The following SLC25A21 variants were observed in gnomAD, a reference collection of about 807,000 sequenced individuals.
SLC25A21 encodes the protein solute carrier family 25 member 21.
SLC25A21 carries 47 observed loss-of-function variants against 43.8 expected under a neutral mutation model. The ratio of observed to expected loss-of-function variants is 1.07; its 90% CI spans 0.85 to 1.37. The LOEUF is 1.37. Among genes scored for constraint, SLC25A21 ranks in the 40% most tolerant of loss-of-function variants. The pLI is 0.00. For missense variants in SLC25A21, 352 were observed against 350.2 expected (o/e 1.00, Z -0.04); for synonymous variants, 131 against 121.3 (o/e 1.08, Z -0.52).
intron 7 of SLC25A21, among the ~76,000 whole-genome samples, chr14:36,687,654 G>C (rs931603419): frequency 1.3e-5 from 2 of 152,262 alleles, no homozygotes; most frequent in African/African-American, 4.8e-5. Flanking sequence ...CCCAGGCTGG[G>C]CCTGTGTGTG....
chr14:36,909,790 A>G (rs1275252868), intron 1 of SLC25A21, among the ~76,000 whole-genome samples: 2 of 152,208 alleles, frequency 1.3e-5, no homozygotes, highest in Non-Finnish European at 2.9e-5. Flanking sequence ...TTTATCAAAC[A>G]AATGTCCAGT....
chr14:36,707,695 A>T (rs1030531750), intron 7 of SLC25A21, among the ~76,000 whole-genome samples: 2 of 152,256 alleles, frequency 1.3e-5, no homozygotes, highest in African/African-American at 4.8e-5. Flanking sequence ...GGCACATGTT[A>T]GCACTGTCAA....
At chr14:36,920,021 G>A (rs960378288) in intron 1 of SLC25A21, among the ~76,000 whole-genome samples, 2 of 151,930 alleles carry the variant, frequency 1.3e-5, no homozygotes, top group African/African-American at 4.8e-5. Context: ...TTTTAACTCT[G>A]GAAATCAGTC....
At chr14:36,889,162 T>C (rs1338291294) in intron 1 of SLC25A21, among the ~76,000 whole-genome samples, 5 of 152,198 alleles carry the variant, frequency 3.3e-5, no homozygotes, top group Admixed American at 3.3e-4. Context: ...TCCTTTATCA[T>C]GGTCTGGCTT....
intron 2 of SLC25A21, among the ~76,000 whole-genome samples, chr14:36,862,418 A>C (rs1890093969): frequency 6.6e-6 from 1 of 152,262 alleles, no homozygotes; most frequent in Non-Finnish European, 1.5e-5. Context: ...ACCATGGAAT[A>C]CTATGCAGCC....
intron 1 of SLC25A21, among the ~76,000 whole-genome samples, chr14:37,126,853 A>AT (rs1317550648): frequency 3.9e-5 from 6 of 152,162 alleles, no homozygotes; most frequent in African/African-American, 1.2e-4. Context: ...TCAATGGTTC[A>AT]TTTTTTATAG....
At chr14:36,797,325 C>T (rs181459838) in intron 3 of SLC25A21, among the ~76,000 whole-genome samples, 107 of 152,186 alleles carry the variant, frequency 7.0e-4, no homozygotes, top group African/African-American at 2.6e-3. Flanking sequence ...AGACAACAAT[C>T]TAATGCTGTT....
chr14:36,739,725 A>G (rs938941043), intron 3 of SLC25A21, among the ~76,000 whole-genome samples: 3 of 151,992 alleles, frequency 2.0e-5, no homozygotes, highest in African/African-American at 7.3e-5. Flanking sequence ...AATTCTGTCA[A>G]TGTGGGAGAA....
intron 1 of SLC25A21, among the ~76,000 whole-genome samples, chr14:37,133,287 G>A (rs939575068): frequency 1.3e-5 from 2 of 151,858 alleles, no homozygotes; most frequent in African/African-American, 4.8e-5. Context: ...TCCAACCTCA[G>A]ACACATAAAT....
At chr14:36,847,394 G>T (rs556402712) in intron 2 of SLC25A21, among the ~76,000 whole-genome samples, 2 of 152,314 alleles carry the variant, frequency 1.3e-5, no homozygotes, top group Non-Finnish European at 1.5e-5. Context: ...ACAGTCATTG[G>T]TTCATTTTTT....
intron 4 of SLC25A21, among the ~76,000 whole-genome samples, chr14:36,731,623 G>A (rs1884830349): frequency 6.6e-6 from 1 of 152,180 alleles, no homozygotes; most frequent in Admixed American, 6.5e-5. Context: ...TTTCCAGTCT[G>A]GCTGGTGGGA....
At chr14:37,106,087 G>A (rs1295660857) in intron 1 of SLC25A21, among the ~76,000 whole-genome samples, 1 of 151,972 alleles carries the variant, frequency 6.6e-6, no homozygotes, top group East Asian at 1.9e-4. Flanking sequence ...TGTCACCTCA[G>A]GACCACTGTG....
intron 1 of SLC25A21, among the ~76,000 whole-genome samples, chr14:37,014,124 C>A (rs1960794281): frequency 6.6e-6 from 1 of 152,058 alleles, no homozygotes; most frequent in Admixed American, 6.6e-5. Flanking sequence ...TCAGAGATGA[C>A]CTTGCTGAAG....
chr14:36,938,726 CA>C (rs898560582), intron 1 of SLC25A21, among the ~76,000 whole-genome samples: 1 of 151,910 alleles, frequency 6.6e-6, no homozygotes, highest in Non-Finnish European at 1.5e-5. Flanking sequence ...GGTTCCTGAA[CA>C]ATAACTTAGA....
intron 1 of SLC25A21, among the ~76,000 whole-genome samples, chr14:37,056,556 C>G (rs927552780): frequency 2.0e-5 from 3 of 151,796 alleles, no homozygotes; most frequent in African/African-American, 7.3e-5. Context: ...TGGACTAATA[C>G]AGATGCAGAC....
intron 1 of SLC25A21, among the ~76,000 whole-genome samples, chr14:37,166,214 T>C (rs75507672): frequency 0.062 from 9,372 of 152,296 alleles, 457 homozygotes; most frequent in African/African-American, 0.13. Context: ...TGTGTCCAAC[T>C]ACATGTAGAG....
At chr14:36,820,682 C>A (rs1888593203) in intron 2 of SLC25A21, among the ~76,000 whole-genome samples, 1 of 152,132 alleles carries the variant, frequency 6.6e-6, no homozygotes, top group South Asian at 2.1e-4. Flanking sequence ...GTTTGTTAGC[C>A]ATAAGAGAGA....
chr14:37,105,657 T>C (rs1962897561), intron 1 of SLC25A21, among the ~76,000 whole-genome samples: 4 of 152,120 alleles, frequency 2.6e-5, no homozygotes, highest in Admixed American at 2.6e-4. Context: ...GTTAGTAATA[T>C]TAAAATGAAG....
At chr14:36,750,396 C>T (rs576908455) in intron 3 of SLC25A21, among the ~76,000 whole-genome samples, 3 of 152,276 alleles carry the variant, frequency 2.0e-5, no homozygotes, top group East Asian at 1.9e-4. Context: ...CCACGTCATC[C>T]CTTCTCCATG....
Sources: gnomAD v4.1 joint callset for allele counts (sites outside exome capture counted in the v4.1 genomes callset) on GRCh38, gnomAD v4.1.1 for gene constraint, MANE v1.5 for transcripts, NCBI Gene and HGNC (gene_info 2026-07-23, HGNC 2026-07-21) for gene names.